Variants in NEK10 observed in about 807,000 individuals in gnomAD.
The protein encoded by NEK10 is NIMA related kinase 10.
A neutral mutation model predicts 159.8 loss-of-function variants in NEK10; 122 were observed. The ratio of observed to expected loss-of-function variants is 0.76; its 90% confidence interval spans 0.66 to 0.89. The LOEUF (loss-of-function observed/expected upper bound fraction) is 0.89. NEK10 is among the 40% of genes least tolerant of loss of function. The pLI is 0.00. For synonymous variants in NEK10, 466 were observed against 457.1 expected (o/e 1.02, Z -0.25); for missense variants, 1,342 against 1,323.1 (o/e 1.01, Z -0.22).
chr3:27,162,324 G>A, intron 30 of NEK10: 2 of 1,416,180 alleles, frequency 1.4e-6, no homozygotes, highest in South Asian at 1.5e-5. Context: ...ACTAATAATG[G>A]TGAACAAACA....
intron 22 of NEK10, among the ~76,000 whole-genome samples, chr3:27,277,719 G>A (rs2041871535): frequency 6.6e-6 from 1 of 152,108 alleles, no homozygotes; most frequent in Admixed American, 6.5e-5. Context: ...TTATATAGCT[G>A]TGATAGACTA....
At chr3:27,366,598 C>T (rs907186082) in intron 1 of NEK10, among the ~76,000 whole-genome samples, 1 of 152,086 alleles carries the variant, frequency 6.6e-6, no homozygotes, top group African/African-American at 2.4e-5. Flanking sequence ...GCATGGAGCC[C>T]CAAACCCATT....
chr3:27,148,612 T>A (rs527328519), intron 30 of NEK10, among the ~76,000 whole-genome samples: 51 of 152,344 alleles, frequency 3.3e-4, no homozygotes, highest in African/African-American at 8.9e-4. Flanking sequence ...TTTAACATAT[T>A]TTTAAAATCC....
At chr3:27,259,764 T>C in intron 22 of NEK10, among the ~76,000 whole-genome samples, 1 of 152,200 alleles carries the variant, frequency 6.6e-6, no homozygotes, top group Non-Finnish European at 1.5e-5. Flanking sequence ...AGAAAATCAT[T>C]GGTAGCTTGA....
At chr3:27,249,652 C>T (rs10865813) in intron 23 of NEK10, among the ~76,000 whole-genome samples, 39,108 of 151,880 alleles carry the variant, frequency 0.26, 5,191 homozygotes, top group Middle Eastern at 0.38. Context: ...CAGATCATTG[C>T]GTCTTAGTTT....
chr3:27,295,503 G>A (rs1333020269), intron 15 of NEK10, 110 bp downstream of exon 15: 9 of 1,363,004 alleles, frequency 6.6e-6, no homozygotes, highest in Non-Finnish European at 8.7e-6. Context: ...CTCATAGTCA[G>A]TACAGGGACC....
chr3:27,336,917 G>C (rs1486110292), intron 5 of NEK10, among the ~76,000 whole-genome samples: 1 of 151,826 alleles, frequency 6.6e-6, no homozygotes, highest in Non-Finnish European at 1.5e-5. Context: ...TTTCCTCCAA[G>C]AAATGGAACA....
intron 12 of NEK10, among the ~76,000 whole-genome samples, chr3:27,303,098 G>C (rs934810370): frequency 2.0e-5 from 3 of 152,074 alleles, no homozygotes; most frequent in Admixed American, 2.0e-4. Context: ...TATCCAGCTG[G>C]GGTAATAAAT....
intron 31 of NEK10, among the ~76,000 whole-genome samples, chr3:27,134,360 C>T (rs572345862): frequency 1.3e-5 from 2 of 152,254 alleles, no homozygotes; most frequent in South Asian, 2.1e-4. Context: ...CTTCCCCAAA[C>T]CAAACACCAG....
Position 27,116,082 on chromosome 3 carries a change from T to G in NEK10, c.3236A>C (p.Gln1079Pro), listed in dbSNP as rs1940381670. ...ACACTGCAAAAACCTCACCTGCATCTGTTCATATGTTATTCCTTCCTCCAA... is the reference window on the plus strand; with the variant it reads ...ACACTGCAAAAACCTCACCTGCATCGGTTCATATGTTATTCCTTCCTCCAA... ...IELEEGITYE[Q>P]MQTVIEEVLE... The change falls in exon 34 of 36, where the codon CAG becomes CCG. Residue 1079 changes from glutamine (Q) to proline (P), a missense_variant. Coordinates refer to ENST00000691995, the MANE Select transcript of NEK10 (RefSeq NM_001394966.1). 6.2e-7 allele frequency: 1 copy of G among 1,613,510 alleles called. No individual in the cohort carries two copies. Among genetic ancestry groups the G allele is most frequent in the Non-Finnish European group, 8.5e-7 (1 of 1,179,734 alleles).
At chr3:27,180,453 G>A (rs1016671923) in intron 26 of NEK10, among the ~76,000 whole-genome samples, 1 of 150,760 alleles carries the variant, frequency 6.6e-6, no homozygotes, top group South Asian at 2.1e-4. Flanking sequence ...GAGGGGAAGG[G>A]AAGGGAAGGG....
At chr3:27,307,773 A>T in intron 11 of NEK10, 86 bp downstream of exon 11, 2 of 738,232 alleles carry the variant, frequency 2.7e-6, no homozygotes, top group Non-Finnish European at 4.9e-6. Context: ...TTACAATGTA[A>T]ATAACATGAC....
At chr3:27,324,144 C>T (rs1035499592) in intron 5 of NEK10, among the ~76,000 whole-genome samples, 8 of 152,182 alleles carry the variant, frequency 5.3e-5, no homozygotes, top group African/African-American at 1.9e-4. Flanking sequence ...CCTTCCTGAC[C>T]CTGCTGGGCC....
At chr3:27,114,501 A>G (rs556222865) in intron 35 of NEK10, among the ~76,000 whole-genome samples, 1 of 152,334 alleles carries the variant, frequency 6.6e-6, no homozygotes, top group South Asian at 2.1e-4. Context: ...CAAGTAGTTG[A>G]ATAATTTTAC....
chr3:27,358,130 C>T (rs899131220), intron 1 of NEK10, among the ~76,000 whole-genome samples: 1 of 152,224 alleles, frequency 6.6e-6, no homozygotes, highest in African/African-American at 2.4e-5. Flanking sequence ...ATTTGCTACA[C>T]AAACACTTGT....
intron 3 of NEK10, among the ~76,000 whole-genome samples, chr3:27,351,720 A>T (rs1451264274): frequency 1.3e-5 from 2 of 152,098 alleles, no homozygotes; most frequent in Non-Finnish European, 2.9e-5. Flanking sequence ...GATTTACTTA[A>T]GCAAGAACAA....
intron 6 of NEK10, among the ~76,000 whole-genome samples, chr3:27,319,736 A>G (rs983915984): frequency 4.9e-5 from 7 of 142,696 alleles, no homozygotes; most frequent in African/African-American, 1.7e-4. Flanking sequence ...AATATGAGGG[A>G]AGTAGAGTTG....
intron 13 of NEK10, 103 bp from the exon 14 acceptor site, chr3:27,297,343 T>A (rs2043434850): frequency 2.7e-6 from 2 of 754,464 alleles, no homozygotes; most frequent in South Asian, 2.0e-5. Context: ...TTTGCTATTT[T>A]TATTAGCAAA....
intron 32 of NEK10, among the ~76,000 whole-genome samples, chr3:27,130,303 C>T (rs1314973864): frequency 6.6e-6 from 1 of 152,146 alleles, no homozygotes; most frequent in East Asian, 1.9e-4. Context: ...CCAAACATCT[C>T]CTACCACCCT....
Sources: allele counts gnomAD v4.1 joint callset (sites outside exome capture counted in the v4.1 genomes callset), GRCh38; gene constraint gnomAD v4.1.1; transcripts MANE v1.5; gene names NCBI Gene and HGNC (gene_info 2026-07-23, HGNC 2026-07-21).